ATP8A2: variants seen among roughly 807,000 people sequenced by gnomAD.
The protein encoded by ATP8A2 is ATPase phospholipid transporting 8A2.
In ATP8A2, 100 loss-of-function variants were observed where a neutral mutation model predicts 165.6. The observed-to-expected ratio is 0.60, with a 90% CI of 0.51 to 0.71. The LOEUF (loss-of-function observed/expected upper bound fraction) is 0.71. Among genes scored for constraint, ATP8A2 ranks in the 30% least tolerant of loss-of-function variants. The probability of loss-of-function intolerance (pLI) is 0.00; values close to 1 mark genes in which losing one functional copy is unlikely to be tolerated. For synonymous variants in ATP8A2, 543 were observed against 548.8 expected (o/e 0.99, Z 0.15); for missense variants, 1,227 against 1,479.5 (o/e 0.83, Z 2.80).
At chr13:25,937,214 A>G (rs1954916064) in intron 33 of ATP8A2, among the ~76,000 whole-genome samples, 1 of 152,130 alleles carries the variant, frequency 6.6e-6, no homozygotes, top group African/African-American at 2.4e-5. Flanking sequence ...ATGCCATACA[A>G]AAACGCAAGT....
At chr13:25,950,369 C>T (rs1266932032) in intron 33 of ATP8A2, among the ~76,000 whole-genome samples, 2 of 151,878 alleles carry the variant, frequency 1.3e-5, no homozygotes, top group Non-Finnish European at 2.9e-5. Flanking sequence ...AAATTGGGTC[C>T]TAAGGAGAAA....
rs1593343369 is a variant in ATP8A2 at position 25,464,020 on chromosome 13, CAGG to C, written c.77-4946_77-4944del. On this transcript the variant is annotated intron_variant, in intron 1 of 36. Transcript: ENST00000381655. ...CAACCCCGGGCAGAAACTCTGAAGG[CAGG>C]AGGAGGAGGACAGGGGTGCTTATCT... Among the ~76,000 whole-genome samples the C allele has an allele frequency of 2.6e-5, 4 of 152,208 alleles. No homozygotes were observed. In the South Asian group the frequency reaches 8.3e-4, roughly 31 times the overall value.
intron 27 of ATP8A2, among the ~76,000 whole-genome samples, chr13:25,791,770 T>G (rs928208389): frequency 1.3e-5 from 2 of 152,214 alleles, no homozygotes; most frequent in African/African-American, 4.8e-5. Flanking sequence ...AACAATGACA[T>G]GTTCCAGCCC....
chr13:25,911,127 A>AC (rs11372831), intron 33 of ATP8A2, among the ~76,000 whole-genome samples: 37,540 of 151,832 alleles, frequency 0.25, 7,987 homozygotes, highest in African/African-American at 0.53. Context: ...CATCTGACTG[A>AC]CCCCTTTCTC....
chr13:25,707,755 T>C (rs2043082286), intron 25 of ATP8A2, among the ~76,000 whole-genome samples: 2 of 152,216 alleles, frequency 1.3e-5, no homozygotes, highest in African/African-American at 2.4e-5. Flanking sequence ...TTTGCTTATA[T>C]AGTAGACCTA....
At chr13:25,467,775 T>G (rs1593350725) in intron 1 of ATP8A2, among the ~76,000 whole-genome samples, 1 of 152,124 alleles carries the variant, frequency 6.6e-6, no homozygotes, top group East Asian at 1.9e-4. Flanking sequence ...ATGGTCTCGA[T>G]CTCCTGACCT....
intron 24 of ATP8A2, among the ~76,000 whole-genome samples, chr13:25,672,389 C>G (rs1047303013): frequency 9.2e-5 from 14 of 152,150 alleles, no homozygotes; most frequent in Non-Finnish European, 2.1e-4. Flanking sequence ...CTGGCTGCCT[C>G]TCACAACATC....
chr13:25,875,026 C>G (rs1266465921), intron 33 of ATP8A2, among the ~76,000 whole-genome samples: 2 of 151,942 alleles, frequency 1.3e-5, no homozygotes, highest in African/African-American at 4.8e-5. Flanking sequence ...GGCAAATACT[C>G]TATGGTTCTG....
chr13:25,790,929 G>C (rs1270193638), intron 27 of ATP8A2, among the ~76,000 whole-genome samples: 1 of 152,118 alleles, frequency 6.6e-6, no homozygotes, highest in Non-Finnish European at 1.5e-5. Flanking sequence ...ATACACTGTT[G>C]GTGGGAGTGT....
intron 1 of ATP8A2, among the ~76,000 whole-genome samples, chr13:25,414,186 G>GTTTT (rs10528594): frequency 9.2e-5 from 11 of 119,080 alleles, no homozygotes; most frequent in Non-Finnish European, 1.4e-4. Context: ...GGGCTGTGGT[G>GTTTT]TTTTTTTTTT....
intron 25 of ATP8A2, among the ~76,000 whole-genome samples, chr13:25,700,199 C>T (rs564185651): frequency 9.9e-5 from 15 of 152,278 alleles, no homozygotes; most frequent in Admixed American, 2.6e-4. Flanking sequence ...ATGGCCAGAG[C>T]ACCTTGAAAT....
chr13:25,815,101 TAGA>T (rs906101840), intron 27 of ATP8A2, among the ~76,000 whole-genome samples: 14 of 151,966 alleles, frequency 9.2e-5, no homozygotes, highest in Non-Finnish European at 1.9e-4. Context: ...ATAAAACTCT[TAGA>T]AGAAGACATA....
chr13:26,003,642 T>G (rs1443290090), intron 35 of ATP8A2, among the ~76,000 whole-genome samples: 2 of 152,144 alleles, frequency 1.3e-5, no homozygotes, highest in Non-Finnish European at 2.9e-5. Flanking sequence ...CCTCCAGCAG[T>G]TTTAGTTTCA....
rs556165829 is a variant in ATP8A2 at position 25,536,761 on chromosome 13, G to A, written c.508-1227G>A. On this transcript the variant is annotated intron_variant, in intron 6 of 36. Coordinates refer to ENST00000381655, the MANE Select transcript of ATP8A2 (RefSeq NM_016529.6). Reference sequence around the variant, plus strand: ...GTACTAGTAATGGTCTTCTGGTATCGTCAGAGAATTCTAATGTCCTTGACC... The same window carrying A: ...GTACTAGTAATGGTCTTCTGGTATCATCAGAGAATTCTAATGTCCTTGACC... Among the ~76,000 whole-genome samples the A allele has an allele frequency of 5.3e-5, 8 of 152,278 alleles. No homozygotes were observed. The East Asian group carries it at 9.6e-4, about 18-fold the overall frequency.
intron 33 of ATP8A2, among the ~76,000 whole-genome samples, chr13:25,893,590 G>A (rs951266946): frequency 6.6e-6 from 1 of 151,896 alleles, no homozygotes; most frequent in African/African-American, 2.4e-5. Context: ...TGGGTCAAAT[G>A]GTATTTCTAG....
chr13:25,705,267 C>T (rs967785520), intron 25 of ATP8A2: 17 of 327,326 alleles, frequency 5.2e-5, no homozygotes, highest in Non-Finnish European at 8.3e-5. Context: ...GTGACTGTCT[C>T]GTCAGGAAAA....
chr13:25,882,104 C>G (rs1306761529), intron 33 of ATP8A2, among the ~76,000 whole-genome samples: 2 of 152,192 alleles, frequency 1.3e-5, no homozygotes, highest in African/African-American at 2.4e-5. Context: ...TGCAGCGGCT[C>G]TGTTTCCCGC....
chr13:25,917,934 T>C (rs1328955687), intron 33 of ATP8A2, among the ~76,000 whole-genome samples: 1 of 152,250 alleles, frequency 6.6e-6, no homozygotes, highest in East Asian at 1.9e-4. Flanking sequence ...TAAAATTTCT[T>C]AAATATCAGA....
intron 35 of ATP8A2, among the ~76,000 whole-genome samples, chr13:25,978,641 A>C (rs2139246379): frequency 6.6e-6 from 1 of 152,260 alleles, no homozygotes; most frequent in South Asian, 2.1e-4. Flanking sequence ...TGTTACAGGC[A>C]AAAAGAAGAC....
Sources: gnomAD v4.1 joint callset for allele counts (sites outside exome capture counted in the v4.1 genomes callset) on GRCh38, gnomAD v4.1.1 for gene constraint, MANE v1.5 for transcripts, NCBI Gene and HGNC (gene_info 2026-07-23, HGNC 2026-07-21) for gene names.